Variants in TMED3 observed in about 807,000 individuals in gnomAD.
TMED3 encodes transmembrane p24 trafficking protein 3.
In TMED3, 9 loss-of-function variants were observed where a neutral mutation model predicts 15.0. The ratio of observed to expected loss-of-function variants is 0.60; its 90% confidence interval spans 0.36 to 1.04. The LOEUF (loss-of-function observed/expected upper bound fraction) is 1.04, where lower values mean the gene tolerates loss of function less well. TMED3 is among the 50% of genes least tolerant of loss of function. The pLI is 0.01. For synonymous variants in TMED3, 117 were observed against 121.4 expected (o/e 0.96, Z 0.24); for missense variants, 267 against 278.9 (o/e 0.96, Z 0.30).
Position 79,411,266 on chromosome 15 carries a change from A to G in TMED3, c.418-134A>G, listed in dbSNP as rs939476442. On this transcript the variant is annotated intron_variant, in intron 2 of 2. Coordinates refer to the TMED3 transcript ENST00000424155. Reference sequence around the variant, plus strand: ...TAGGGGAGGATAATTAGAGCCAGCAATAAAGGTAAATTCTTCCACAAAGGG... The same window carrying G: ...TAGGGGAGGATAATTAGAGCCAGCAGTAAAGGTAAATTCTTCCACAAAGGG... 1.2e-5 allele frequency: 7 copies of G among 562,970 alleles called. No homozygotes were observed. The Admixed American group carries it at 1.9e-4, about 15-fold the overall frequency. 34.9% of individuals were successfully genotyped at this position (562,970 alleles called of 1,614,324 possible). A position where few individuals can be genotyped will look rare whatever the true frequency, so the allele number is the denominator to read the frequency against.
chr15:79,320,968 G>A (rs1188780966), intron 2 of TMED3, among the ~76,000 whole-genome samples: 1 of 152,182 alleles, frequency 6.6e-6, no homozygotes, highest in Non-Finnish European at 1.5e-5. Context: ...TAGGACTGAG[G>A]TCCCCATTTC....
intron 2 of TMED3, among the ~76,000 whole-genome samples, chr15:79,402,525 A>AC (rs1482025289): frequency 1.3e-5 from 2 of 152,146 alleles, no homozygotes; most frequent in Non-Finnish European, 2.9e-5. Context: ...CACACCTGTA[A>AC]CCCCAACATT....
At chr15:79,370,031 AAC>A (rs1180165591) in intron 2 of TMED3, among the ~76,000 whole-genome samples, 1 of 152,198 alleles carries the variant, frequency 6.6e-6, no homozygotes, top group Non-Finnish European at 1.5e-5. Flanking sequence ...TGTCTTGGAG[AAC>A]ACAGTTAGAC....
intron 2 of TMED3, among the ~76,000 whole-genome samples, chr15:79,405,418 C>G (rs929808282): frequency 1.3e-5 from 2 of 152,166 alleles, no homozygotes; most frequent in South Asian, 4.1e-4. Context: ...TTAGAGAATC[C>G]TCTCTCACTC....
chr15:79,319,184 C>A (rs1171716294), intron 2 of TMED3, among the ~76,000 whole-genome samples: 3 of 152,232 alleles, frequency 2.0e-5, no homozygotes, highest in Non-Finnish European at 4.4e-5. Context: ...ACACAGTGAT[C>A]ATGCCACCTT....
chr15:79,316,405 G>A (rs1448123489), intron 2 of TMED3, among the ~76,000 whole-genome samples: 1 of 152,196 alleles, frequency 6.6e-6, no homozygotes, highest in Non-Finnish European at 1.5e-5. Context: ...GAGGTCAAAG[G>A]CCAAGAGCTA....
chr15:79,353,792 C>A (rs1358568629), intron 2 of TMED3, among the ~76,000 whole-genome samples: 2 of 152,034 alleles, frequency 1.3e-5, no homozygotes, highest in Non-Finnish European at 2.9e-5. Flanking sequence ...AAAGAAGTAA[C>A]ACATCTCTGT....
chr15:79,380,933 C>T (rs527837531), intron 2 of TMED3, among the ~76,000 whole-genome samples: 9 of 152,170 alleles, frequency 5.9e-5, no homozygotes, highest in African/African-American at 2.2e-4. Flanking sequence ...TTTTACAGCT[C>T]AGGGCAATGC....
intron 2 of TMED3, among the ~76,000 whole-genome samples, chr15:79,374,862 AAC>A (rs1193744033): frequency 6.6e-6 from 1 of 152,188 alleles, no homozygotes; most frequent in East Asian, 1.9e-4. Flanking sequence ...GACCCCAAGA[AAC>A]ACAGTCTAGG....
chr15:79,352,838 A>G (rs1435123529), intron 2 of TMED3, among the ~76,000 whole-genome samples: 1 of 126,634 alleles, frequency 7.9e-6, no homozygotes, highest in Non-Finnish European at 1.6e-5. Flanking sequence ...TTTTATATAT[A>G]TATATATAAA....
intron 2 of TMED3, among the ~76,000 whole-genome samples, chr15:79,407,025 T>A (rs1478974869): frequency 6.6e-6 from 1 of 152,220 alleles, no homozygotes; most frequent in Non-Finnish European, 1.5e-5. Flanking sequence ...ATTGCCTTAG[T>A]AAAGAAGCCT....
chr15:79,404,872 G>A (rs2141258559), intron 2 of TMED3, among the ~76,000 whole-genome samples: 2 of 152,318 alleles, frequency 1.3e-5, no homozygotes, highest in Admixed American at 1.3e-4. Context: ...ATCAACATAA[G>A]TGAGCCCATC....
At chr15:79,337,541 A>G (rs2058831552) in intron 2 of TMED3, among the ~76,000 whole-genome samples, 2 of 152,206 alleles carry the variant, frequency 1.3e-5, no homozygotes. Context: ...CTTTCAACCT[A>G]TGCTGCTTTT....
At chr15:79,386,299 A>G (rs1000099393) in intron 2 of TMED3, among the ~76,000 whole-genome samples, 87 of 152,376 alleles carry the variant, frequency 5.7e-4, no homozygotes, top group Admixed American at 5.7e-3. Flanking sequence ...TTTTGACCAT[A>G]ATAAACAAAA....
intron 2 of TMED3, among the ~76,000 whole-genome samples, chr15:79,396,145 G>A (rs528904082): frequency 1.4e-4 from 22 of 152,146 alleles, no homozygotes; most frequent in African/African-American, 3.9e-4. Flanking sequence ...TTTGCCCTCC[G>A]TAACAATTAT....
chr15:79,391,804 T>A (rs1018151340), intron 2 of TMED3, among the ~76,000 whole-genome samples: 1 of 152,222 alleles, frequency 6.6e-6, no homozygotes. Flanking sequence ...GATATTTTCC[T>A]GTTGGACAAG....
At chr15:79,371,794 G>A (rs770299913) in intron 2 of TMED3, among the ~76,000 whole-genome samples, 4 of 152,176 alleles carry the variant, frequency 2.6e-5, no homozygotes, top group Non-Finnish European at 4.4e-5. Flanking sequence ...GAGTAGTTGG[G>A]GAAGTTATAA....
chr15:79,372,639 T>C (rs1893360593), intron 2 of TMED3, among the ~76,000 whole-genome samples: 1 of 152,146 alleles, frequency 6.6e-6, no homozygotes, highest in Non-Finnish European at 1.5e-5. Context: ...GTGAGACTCA[T>C]TCACTATCAG....
At chr15:79,370,529 C>T (rs1327142997) in intron 2 of TMED3, among the ~76,000 whole-genome samples, 1 of 152,118 alleles carries the variant, frequency 6.6e-6, no homozygotes, top group Non-Finnish European at 1.5e-5. Flanking sequence ...TTTTGCTCTT[C>T]CATCACTGCT....
Sources: gnomAD v4.1 joint callset for allele counts (sites outside exome capture counted in the v4.1 genomes callset) on GRCh38, gnomAD v4.1.1 for gene constraint, MANE v1.5 for transcripts, NCBI Gene and HGNC (gene_info 2026-07-23, HGNC 2026-07-21) for gene names.